ANKS1B: variants seen among roughly 807,000 people sequenced by gnomAD.
ANKS1B encodes the protein ankyrin repeat and sterile alpha motif domain-containing protein 1B.
A neutral mutation model predicts 148.3 loss-of-function variants in ANKS1B; 36 were observed. The observed-to-expected ratio is 0.24, with a 90% CI of 0.19 to 0.32. The LOEUF (loss-of-function observed/expected upper bound fraction) is 0.32. Ranked by LOEUF, ANKS1B falls within the 10% of genes least tolerant of loss-of-function variation. The probability of loss-of-function intolerance (pLI) is 1.00; values close to 1 mark genes in which losing one functional copy is unlikely to be tolerated. For synonymous variants in ANKS1B, 542 were observed against 560.8 expected, an observed-to-expected ratio of 0.97 and a Z score of 0.47; for missense variants, 1,157 against 1,542.6, an observed-to-expected ratio of 0.75 and a Z score of 4.19.
intron 1 of ANKS1B, among the ~76,000 whole-genome samples, chr12:99,937,681 CT>C (rs1168998850): frequency 6.6e-6 from 1 of 152,118 alleles, no homozygotes; most frequent in Non-Finnish European, 1.5e-5. Flanking sequence ...ACAAGGTGAT[CT>C]GTATTCTCCC....
At chr12:98,876,372 A>C (rs558361583) in intron 17 of ANKS1B, among the ~76,000 whole-genome samples, 3 of 152,330 alleles carry the variant, frequency 2.0e-5, no homozygotes, top group African/African-American at 7.2e-5. Flanking sequence ...ACCTTCTCTG[A>C]GAAGTCTCCC....
rs1006599746 is a variant in ANKS1B at position 99,705,006 on chromosome 12, T to C, written c.1129-49796A>G. On this transcript the variant is annotated intron_variant, in intron 8 of 26. Transcript: ENST00000683438. ...TTACATGACAAATGACTAAGCAGAC[T>C]TGAGAACTGGATCCAAAGCTAGCCA... 6.6e-5 allele frequency among the ~76,000 whole-genome samples: 10 copies of C among 152,078 alleles called. 1 individual carries two copies. The highest frequency in any genetic ancestry group is 2.0e-4 in the Admixed American group (3 of 15,244).
chr12:99,004,371 T>C (rs1370579478), intron 17 of ANKS1B, among the ~76,000 whole-genome samples: 1 of 152,176 alleles, frequency 6.6e-6, no homozygotes, highest in Non-Finnish European at 1.5e-5. Context: ...ATCGTCCTCA[T>C]AGGGTTGTTT....
intron 10 of ANKS1B, among the ~76,000 whole-genome samples, chr12:99,464,191 T>C (rs1375260476): frequency 1.3e-5 from 2 of 152,044 alleles, no homozygotes; most frequent in Non-Finnish European, 2.9e-5. Context: ...GGGTCTGGAG[T>C]GGACCTCTAG....
intron 12 of ANKS1B, among the ~76,000 whole-genome samples, chr12:99,391,816 G>A (rs891342763): frequency 5.3e-5 from 8 of 152,166 alleles, no homozygotes; most frequent in African/African-American, 1.9e-4. Context: ...GGCACTGGGT[G>A]AAAGTCATCA....
At chr12:99,415,209 G>A (rs1175750975) in intron 11 of ANKS1B, among the ~76,000 whole-genome samples, 1 of 152,056 alleles carries the variant, frequency 6.6e-6, no homozygotes, top group East Asian at 1.9e-4. Flanking sequence ...AATACTTTTT[G>A]ACTTAGGTAT....
chr12:99,244,886 A>T (rs2090002006), intron 13 of ANKS1B, among the ~76,000 whole-genome samples: 1 of 152,268 alleles, frequency 6.6e-6, no homozygotes, highest in Admixed American at 6.5e-5. Context: ...ACAGAATCTC[A>T]CTGTGTTGCC....
At position 99,780,432 on chromosome 12, in the gene ANKS1B, T is replaced by C. The variant is rs566981840; in HGVS notation, c.746-460A>G. On this transcript the variant is annotated intron_variant, in intron 5 of 26. Coordinates refer to ENST00000683438, the MANE Select transcript of ANKS1B (RefSeq NM_001352186.2). ...CTGGGACTACAGGTGCCCACCACCA[T>C]GCCCAACTAATTTTTTTTTTTTTGT... is the stretch of plus-strand genomic sequence containing the variant. 8.5e-5 allele frequency among the ~76,000 whole-genome samples: 12 copies of C among 141,558 alleles called. No individual in the cohort carries two copies. In the South Asian group the frequency reaches 9.4e-4, roughly 11 times the overall value. The allele number at this position is 141,558 out of a possible 152,430, so 92.9% of individuals were successfully genotyped here.
At chr12:99,416,385 G>T (rs181160895) in intron 11 of ANKS1B, among the ~76,000 whole-genome samples, 1 of 152,290 alleles carries the variant, frequency 6.6e-6, no homozygotes, top group Non-Finnish European at 1.5e-5. Context: ...ACAAATGCTG[G>T]TTGGTATGGC....
At chr12:99,654,030 C>G (rs187126924) in intron 9 of ANKS1B, among the ~76,000 whole-genome samples, 36 of 152,262 alleles carry the variant, frequency 2.4e-4, no homozygotes, top group Admixed American at 2.0e-3. Flanking sequence ...GGTTGAATCT[C>G]TACCTTTATG....
chr12:99,974,029 G>A (rs892423703), intron 1 of ANKS1B, among the ~76,000 whole-genome samples: 1 of 152,180 alleles, frequency 6.6e-6, no homozygotes, highest in African/African-American at 2.4e-5. Context: ...CATCTTTTGT[G>A]AAAGGAACAG....
chr12:98,765,884 C>T (rs925727193), intron 25 of ANKS1B, among the ~76,000 whole-genome samples: 3 of 152,188 alleles, frequency 2.0e-5, no homozygotes, highest in East Asian at 1.9e-4. Flanking sequence ...CATGAGCCAT[C>T]GTGCCTGGCC....
intron 1 of ANKS1B, among the ~76,000 whole-genome samples, chr12:99,846,027 T>G (rs1325140362): frequency 6.6e-6 from 1 of 152,162 alleles, no homozygotes; most frequent in African/African-American, 2.4e-5. Flanking sequence ...AATTATGCCT[T>G]GTTATTAATA....
At chr12:99,382,224 T>G (rs2093668214) in intron 12 of ANKS1B, among the ~76,000 whole-genome samples, 1 of 152,170 alleles carries the variant, frequency 6.6e-6, no homozygotes, top group South Asian at 2.1e-4. Flanking sequence ...ATAATGCCAC[T>G]CAGGGAGATG....
chr12:99,520,207 CTCTTCTTTCAGATTTAAG>C (rs1161001501), intron 9 of ANKS1B, among the ~76,000 whole-genome samples: 1 of 152,174 alleles, frequency 6.6e-6, no homozygotes, highest in Non-Finnish European at 1.5e-5. Flanking sequence ...CATTAACATG[CTCTTCTTTCAGATTTAAG>C]AACTCCCTTT....
chr12:99,218,202 A>G (rs1169636140), intron 14 of ANKS1B, among the ~76,000 whole-genome samples: 2 of 152,198 alleles, frequency 1.3e-5, no homozygotes, highest in Admixed American at 1.3e-4. Flanking sequence ...ATTTAAAAAA[A>G]GTCATTTTTC....
chr12:98,966,829 A>C (rs2099878384), intron 17 of ANKS1B, among the ~76,000 whole-genome samples: 1 of 148,672 alleles, frequency 6.7e-6, no homozygotes, highest in African/African-American at 2.5e-5. Flanking sequence ...CACAGGTGGG[A>C]ATTGAACAAT....
At chr12:99,864,277 T>C (rs1042572202) in intron 1 of ANKS1B, among the ~76,000 whole-genome samples, 5 of 152,108 alleles carry the variant, frequency 3.3e-5, no homozygotes, top group African/African-American at 1.2e-4. Flanking sequence ...ACAACTGTGA[T>C]CCTCCTCCTC....
chr12:98,746,954 G>A (rs567751752), intron 26 of ANKS1B, among the ~76,000 whole-genome samples: 11 of 152,298 alleles, frequency 7.2e-5, no homozygotes, highest in Admixed American at 2.6e-4. Context: ...GACCTGAGAC[G>A]ATGAAAGAAC....
Sources: allele counts gnomAD v4.1 joint callset (sites outside exome capture counted in the v4.1 genomes callset), GRCh38; gene constraint gnomAD v4.1.1; transcripts MANE v1.5; gene names NCBI Gene and HGNC (gene_info 2026-07-23, HGNC 2026-07-21).